The following SLC25A42 variants were observed in gnomAD, a reference collection of about 807,000 sequenced individuals.
SLC25A42 encodes the protein mitochondrial coenzyme A transporter SLC25A42.
SLC25A42 carries 19 observed loss-of-function variants against 34.7 expected under a neutral mutation model. The observed-to-expected ratio is 0.55, with a 90% CI of 0.38 to 0.80. SLC25A42 has a LOEUF of 0.80. SLC25A42 is among the 30% of genes least tolerant of loss of function. The pLI, the probability that SLC25A42 is intolerant of heterozygous loss-of-function variation, is 0.00. For synonymous variants in SLC25A42, 205 were observed against 191.2 expected, an observed-to-expected ratio of 1.07 and a Z score of -0.59; for missense variants, 364 against 441.3, an observed-to-expected ratio of 0.82 and a Z score of 1.57.
intron 1 of SLC25A42, among the ~76,000 whole-genome samples, chr19:19,092,900 T>TG (rs919357863): frequency 2.6e-5 from 4 of 151,964 alleles, no homozygotes; most frequent in Non-Finnish European, 4.4e-5. Context: ...CTGATTGTTG[T>TG]GGGGGGCGGA....
intron 3 of SLC25A42, among the ~76,000 whole-genome samples, chr19:19,103,124 A>C (rs2059807321): frequency 6.6e-6 from 1 of 151,704 alleles, no homozygotes; most frequent in African/African-American, 2.4e-5. Flanking sequence ...GATAGAGCCT[A>C]GCTCTGTCAC....
At position 19,109,345 on chromosome 19, in the gene SLC25A42, C is replaced by T. The variant is rs2059850521; in HGVS notation, c.650-1224C>T. On this transcript the variant is annotated intron_variant, in intron 7 of 7. Coordinates refer to ENST00000318596, the MANE Select transcript of SLC25A42 (RefSeq NM_178526.5). The surrounding 1 kb of genome is among the most constrained non-coding windows in gnomAD (Gnocchi z 4.1). ...CGGTGTTTCTCTCTGGAGTGCTTTC[C>T]AGCCCCTTGACCCCACGTTCTCACC... 6.6e-6 allele frequency among the ~76,000 whole-genome samples: 1 copy of T among 152,192 alleles called. No homozygotes were observed. The highest frequency in any genetic ancestry group is 6.5e-5 in the Admixed American group (1 of 15,276).
chr19:19,084,786 G>A (rs1225914141), intron 1 of SLC25A42, among the ~76,000 whole-genome samples: 1 of 152,128 alleles, frequency 6.6e-6, no homozygotes, highest in Non-Finnish European at 1.5e-5. Context: ...TTTAGGTTAA[G>A]CAAAGTCTTG....
At chr19:19,065,776 T>C (rs1265368528) in intron 1 of SLC25A42, among the ~76,000 whole-genome samples, 1 of 152,258 alleles carries the variant, frequency 6.6e-6, no homozygotes, top group Non-Finnish European at 1.5e-5. Flanking sequence ...CATATGTTTA[T>C]ATACATATTT....
At chr19:19,085,507 G>A (rs1220021517) in intron 1 of SLC25A42, among the ~76,000 whole-genome samples, 1 of 151,910 alleles carries the variant, frequency 6.6e-6, no homozygotes, top group Non-Finnish European at 1.5e-5. Context: ...TCAGCCTCCC[G>A]AGTAGCTGGG....
intron 3 of SLC25A42, among the ~76,000 whole-genome samples, chr19:19,102,699 G>A (rs565135586): frequency 7.9e-5 from 12 of 152,044 alleles, no homozygotes; most frequent in South Asian, 4.2e-4. Context: ...AGCCAAGGTC[G>A]CGCCATCGCA....
chr19:19,079,732 ATTG>A (rs1568510319), intron 1 of SLC25A42, among the ~76,000 whole-genome samples: 1 of 151,822 alleles, frequency 6.6e-6, no homozygotes. Context: ...TACAAGTTTC[ATTG>A]TTGTTGCTAT....
At chr19:19,095,824 G>A in intron 1 of SLC25A42, 1 of 471,068 alleles carries the variant, frequency 2.1e-6, no homozygotes, top group Non-Finnish European at 4.0e-6. Flanking sequence ...GACCTTGGCT[G>A]GCTGCTTAAC....
intron 1 of SLC25A42, among the ~76,000 whole-genome samples, chr19:19,092,217 T>A (rs1268660329): frequency 3.3e-5 from 5 of 152,208 alleles, no homozygotes; most frequent in African/African-American, 9.6e-5. Flanking sequence ...GATCTTGCCT[T>A]AATCACATCT....
Position 19,110,573 on chromosome 19 carries a change from C to G in SLC25A42, c.654C>G (p.Tyr218Ter). Residue 218 changes from tyrosine (Y) to a stop codon, truncating the protein, a stop_gained, in exon 8 of 8, where the codon TAC becomes TAG. Transcript: ENST00000318596. LOFTEE classifies it high-confidence loss of function. ...CTCCCGCCCCTCGCCCTGCAGAGTA[C>G]AGCGGCCGCCGGCAGCCCTACCCCT... ...YETLKSLHRE[Y>*]SGRRQPYPFE... is the part of the protein sequence containing the mutation. 3 of 1,432,480 alleles carry G rather than the reference C, an allele frequency of 2.1e-6. No individual in the cohort carries two copies. Among genetic ancestry groups the G allele is most frequent in the Non-Finnish European group, 2.7e-6 (3 of 1,100,774 alleles). 88.7% of individuals were successfully genotyped at this position (1,432,480 alleles called of 1,614,324 possible).
chr19:19,096,151 G>C lies in SLC25A42; in HGVS notation c.27G>C (p.Pro9=), dbSNP rs370153229. 6.2e-7 allele frequency: 1 copy of C among 1,614,036 alleles called. No homozygotes were observed. Among genetic ancestry groups the C allele is most frequent in the South Asian group, 1.1e-5 (1 of 91,082 alleles). The change falls in exon 2 of 8, where the codon CCG becomes CCC. Residue 9 remains proline (P), a synonymous_variant. Coordinates refer to ENST00000318596, the MANE Select transcript of SLC25A42 (RefSeq NM_178526.5). ...TGGGTAATGGTGTGAAGGAAGGCCC[G>C]GTGCGATTGCATGAGGATGCTGAGG... MGNGVKEG[P]VRLHEDAEAV...
intron 1 of SLC25A42, among the ~76,000 whole-genome samples, chr19:19,082,199 A>T (rs887304779): frequency 6.6e-6 from 1 of 152,132 alleles, no homozygotes; most frequent in African/African-American, 2.4e-5. Context: ...TCTGGTCATC[A>T]GGAGTCTAAA....
chr19:19,076,300 T>TAA (rs558947062), intron 1 of SLC25A42, among the ~76,000 whole-genome samples: 1 of 143,958 alleles, frequency 6.9e-6, no homozygotes, highest in African/African-American at 2.5e-5. Context: ...CTATCTCTAC[T>TAA]AAAAAAAAAA....
At chr19:19,066,188 G>A (rs533268609) in intron 1 of SLC25A42, among the ~76,000 whole-genome samples, 2 of 152,132 alleles carry the variant, frequency 1.3e-5, no homozygotes, top group East Asian at 3.9e-4. Context: ...AAATCAAACA[G>A]TACAAAAGGT....
At chr19:19,086,308 A>G (rs1033349036) in intron 1 of SLC25A42, among the ~76,000 whole-genome samples, 5 of 152,022 alleles carry the variant, frequency 3.3e-5, no homozygotes, top group Non-Finnish European at 7.4e-5. Flanking sequence ...TAACTTTTGT[A>G]TTTTTAGTAG....
intron 1 of SLC25A42, among the ~76,000 whole-genome samples, chr19:19,087,124 CT>C (rs2059712250): frequency 6.6e-6 from 1 of 152,160 alleles, no homozygotes; most frequent in Non-Finnish European, 1.5e-5. Flanking sequence ...CCATTTCCCC[CT>C]GCTCCTGGTA....
intron 1 of SLC25A42, among the ~76,000 whole-genome samples, chr19:19,065,210 C>A (rs1410746704): frequency 6.6e-6 from 1 of 151,998 alleles, no homozygotes; most frequent in Admixed American, 6.6e-5. Flanking sequence ...GAGACGCTGC[C>A]GGAGGAGGGG....
intron 1 of SLC25A42, among the ~76,000 whole-genome samples, chr19:19,090,722 GC>G (rs2059734020): frequency 6.6e-6 from 1 of 152,148 alleles, no homozygotes; most frequent in African/African-American, 2.4e-5. Flanking sequence ...ACTTAGCAAG[GC>G]CTGTTTGTTC....
At chr19:19,105,981 C>T in intron 5 of SLC25A42, 1 of 557,318 alleles carries the variant, frequency 1.8e-6, no homozygotes, top group Non-Finnish European at 3.2e-6. Context: ...CACCCCCACG[C>T]ATAAATCCCA....
Sources: allele counts gnomAD v4.1 joint callset (sites outside exome capture counted in the v4.1 genomes callset), GRCh38; gene constraint gnomAD v4.1.1; non-coding constraint Gnocchi (gnomAD v3.1); transcripts MANE v1.5; gene names NCBI Gene and HGNC (gene_info 2026-07-23, HGNC 2026-07-21).